The following ZNF528 variants were observed in gnomAD, a reference collection of about 807,000 sequenced individuals.
The protein encoded by ZNF528 is zinc finger protein 528.
ZNF528 carries 9 observed loss-of-function variants against 13.3 expected under a neutral mutation model. The observed-to-expected ratio is 0.67, with a 90% CI of 0.41 to 1.18. The LOEUF (loss-of-function observed/expected upper bound fraction) is 1.18, where lower values mean the gene tolerates loss of function less well. Among genes scored for constraint, ZNF528 ranks in the 50% most tolerant of loss-of-function variants. ZNF528 has a pLI of 0.01. For synonymous variants in ZNF528, 264 were observed against 254.3 expected, an observed-to-expected ratio of 1.04 and a Z score of -0.36; for missense variants, 858 against 745.4, an observed-to-expected ratio of 1.15 and a Z score of -1.76.
intron 6 of ZNF528, chr19:52,411,553 C>A (rs564396655): frequency 6.6e-6 from 1 of 152,268 alleles, no homozygotes; most frequent in East Asian, 1.9e-4. Flanking sequence ...TTCAATTGTT[C>A]TTTTACCAAC....
intron 6 of ZNF528, chr19:52,414,391 CA>C (rs1017441681): frequency 1.0e-5 from 7 of 690,810 alleles, no homozygotes; most frequent in South Asian, 3.0e-5. Context: ...AAGAAGGGGT[CA>C]GGGGGCTCCT....
rs8106133 is a variant in ZNF528, at chr19:52,417,804, A to G, written c.*1065A>G. 0.58 allele frequency: 87,975 copies of G among 151,672 alleles called. 29,876 individuals are homozygous for G. The highest frequency in any genetic ancestry group is 0.78 in the Non-Finnish European group (52,806 of 67,956). 9.4% of individuals were successfully genotyped at this position (151,672 alleles called of 1,614,324 possible). ...GTTCATTTTTGTATTTTTAGTAGAG[A>G]CAGTGTTTACCATGTTGGCCAGGCA... On this transcript the variant is annotated 3_prime_UTR_variant, in exon 7 of 7. Coordinates refer to ENST00000360465, the MANE Select transcript of ZNF528 (RefSeq NM_032423.3).
intron 6 of ZNF528, chr19:52,413,985 G>T: frequency 2.1e-6 from 1 of 485,550 alleles, no homozygotes; most frequent in Non-Finnish European, 3.7e-6. Flanking sequence ...GAATTAACCT[G>T]AGTTCCAGGC....
At position 52,416,967 on chromosome 19, in the gene ZNF528, A is replaced by G; in HGVS notation, c.*228A>G. On this transcript the variant is annotated 3_prime_UTR_variant, in exon 7 of 7. Coordinates refer to ENST00000360465, the MANE Select transcript of ZNF528 (RefSeq NM_032423.3). ...TCAAGGACCATTGCTATAGAACACG[A>G]TAGGATTTACACAAGAAGTAACTCT... The G allele has an allele frequency of 2.0e-6, 1 of 500,592 alleles. No individual in the cohort carries two copies. Among genetic ancestry groups the G allele is most frequent in the Non-Finnish European group, 3.5e-6 (1 of 283,312 alleles). The allele number at this position is 500,592 out of a possible 1,614,324, so 31.0% of individuals were successfully genotyped here.
Position 52,416,002 on chromosome 19 carries a change from A to G in ZNF528, c.1150A>G (p.Lys384Glu). The G allele has an allele frequency of 6.2e-7, 1 of 1,614,086 alleles. No homozygotes were observed. Among genetic ancestry groups the G allele is most frequent in the East Asian group, 2.2e-5 (1 of 44,866 alleles). Residue 384 changes from lysine to glutamate, a missense_variant, in exon 7 of 7, where the codon AAA (lysine) becomes GAA (glutamate). By Grantham distance (56) the Lys-to-Glu change is moderately conservative. Coordinates refer to ENST00000360465, the MANE Select transcript of ZNF528 (RefSeq NM_032423.3). ...IHTGRKPYKC[K>E]ECDKVFGRKC... ...CACTGGAAGGAAACCTTACAAATGT[A>G]AAGAATGTGACAAGGTCTTTGGGCG...
Position 52,417,195 on chromosome 19 carries a change from A to G in ZNF528, c.*456A>G, listed in dbSNP as rs187700015. 455 of 267,810 alleles carry G rather than the reference A, an allele frequency of 1.7e-3. 2 individuals are homozygous for G. The highest frequency in any genetic ancestry group is 9.5e-3 in the African/African-American group (415 of 43,550). 16.6% of individuals were successfully genotyped at this position (267,810 alleles called of 1,614,324 possible). On this transcript the variant is annotated 3_prime_UTR_variant, in exon 7 of 7. Coordinates refer to ENST00000360465, the MANE Select transcript of ZNF528 (RefSeq NM_032423.3). ...CTCTTTGTGACTTCGAAATCTTTTC[A>G]TGTGCCTTCCATACAGGCCATTCAC...
At position 52,398,741 on chromosome 19, in the gene ZNF528, G is replaced by A. The variant is rs889321009; in HGVS notation, c.-137+122G>A. ...TAGAAAGACGAAATTCAACAAGATAGGGAAGGCTTCTCAGACAGAGGGGGG... is the reference window on the plus strand; with the variant it reads ...TAGAAAGACGAAATTCAACAAGATAAGGAAGGCTTCTCAGACAGAGGGGGG... On this transcript the variant is annotated intron_variant, in intron 2 of 6. Coordinates refer to ENST00000360465, the MANE Select transcript of ZNF528 (RefSeq NM_032423.3). 3 of 422,408 alleles carry A rather than the reference G, an allele frequency of 7.1e-6. No homozygotes were observed. In the East Asian group the frequency reaches 4.7e-4, roughly 66 times the overall value. 26.2% of individuals were successfully genotyped at this position (422,408 alleles called of 1,614,324 possible).
At chr19:52,404,174 G>C (rs747899280) in intron 4 of ZNF528, among the ~76,000 whole-genome samples, 17 of 152,160 alleles carry the variant, frequency 1.1e-4, no homozygotes, top group Non-Finnish European at 2.1e-4. Flanking sequence ...GAGTTTCCTA[G>C]AATACATGTG....
intron 6 of ZNF528, chr19:52,414,109 C>G (rs1040330325): frequency 1.3e-5 from 9 of 670,748 alleles, no homozygotes; most frequent in Non-Finnish European, 2.4e-5. Context: ...AGAGCACCGA[C>G]CTCATATCGC....
chr19:52,413,667 G>C (rs1173261880), intron 6 of ZNF528: 1 of 152,900 alleles, frequency 6.5e-6, no homozygotes, highest in African/African-American at 2.4e-5. Context: ...TGCTGCAACT[G>C]GAGGGGGTGG....
Position 52,416,432 on chromosome 19 carries a change from G to T in ZNF528, c.1580G>T (p.Gly527Val). 9 of 1,614,088 alleles carry T rather than the reference G, an allele frequency of 5.6e-6. No individual in the cohort carries two copies. Among genetic ancestry groups the T allele is most frequent in the Non-Finnish European group, 7.6e-6 (9 of 1,180,032 alleles). Residue 527 changes from glycine to valine, a missense_variant, in exon 7 of 7, where the codon GGC becomes GTC. Coordinates refer to ENST00000360465, the MANE Select transcript of ZNF528 (RefSeq NM_032423.3). ...GEKPYKCNQC[G>V]KVFNQASYLT... is the part of the protein sequence containing the mutation. ...AAGCCTTACAAATGTAATCAATGTGGCAAGGTCTTTAATCAAGCATCATAC... is the reference window on the plus strand; with the variant it reads ...AAGCCTTACAAATGTAATCAATGTGTCAAGGTCTTTAATCAAGCATCATAC...
chr19:52,414,416 G>A, intron 6 of ZNF528: 1 of 664,126 alleles, frequency 1.5e-6, no homozygotes, highest in Non-Finnish European at 2.7e-6. Context: ...AGTGAACAAG[G>A]GCCCTGAGCT....
Position 52,415,951 on chromosome 19 carries a change from A to C in ZNF528, c.1099A>C (p.Ser367Arg), listed in dbSNP as rs778127200. The change falls in exon 7 of 7, where the codon AGC becomes CGC. Residue 367 changes from serine to arginine, a missense_variant. Ser to Arg is a moderately radical substitution (Grantham distance 110, BLOSUM62 -1). Coordinates refer to ENST00000360465, the MANE Select transcript of ZNF528 (RefSeq NM_032423.3). ...ECGKAFSVRSSLITHQLIHTG... is the reference protein window; with the variant it reads ...ECGKAFSVRSRLITHQLIHTG... ...TGGCAAAGCATTTTCAGTGCGTTCC[A>C]GCCTCATAACCCATCAGTTAATTCA... The C allele has an allele frequency of 2.5e-6, 4 of 1,613,842 alleles. No individual in the cohort carries two copies. The African/African-American group carries it at 5.3e-5, about 22-fold the overall frequency.
intron 6 of ZNF528, among the ~76,000 whole-genome samples, chr19:52,407,220 C>T (rs2058868839): frequency 6.6e-6 from 1 of 151,402 alleles, no homozygotes; most frequent in Non-Finnish European, 1.5e-5. Context: ...CTTGCTGCAT[C>T]CTCGACTTCC....
intron 4 of ZNF528, among the ~76,000 whole-genome samples, chr19:52,402,791 T>C (rs941797255): frequency 4.6e-5 from 7 of 152,228 alleles, no homozygotes; most frequent in Non-Finnish European, 7.3e-5. Flanking sequence ...CTGTAACATA[T>C]CACCTTTTTA....
chr19:52,401,967 T>C lies in ZNF528; in HGVS notation c.-47T>C. ...TTCAGGATTCACTTCCAAAGAGACA[T>C]ATTATGCAAGGAAGCAACTTGGAAG... On this transcript the variant is annotated 5_prime_UTR_variant, in exon 4 of 7. Coordinates refer to ENST00000360465, the MANE Select transcript of ZNF528 (RefSeq NM_032423.3). The C allele has an allele frequency of 5.0e-6, 8 of 1,614,012 alleles. No individual in the cohort carries two copies. Among genetic ancestry groups the C allele is most frequent in the Non-Finnish European group, 6.8e-6 (8 of 1,179,976 alleles).
At chr19:52,400,166 A>G (rs147960874) in intron 2 of ZNF528, among the ~76,000 whole-genome samples, 1 of 151,726 alleles carries the variant, frequency 6.6e-6, no homozygotes, top group East Asian at 1.9e-4. Context: ...CAGTGTCATC[A>G]GATTTTACTT....
chr19:52,406,850 A>G, intron 6 of ZNF528: 1 of 529,192 alleles, frequency 1.9e-6, no homozygotes, highest in Non-Finnish European at 3.0e-6. Context: ...CCACACTATT[A>G]CATAGCGTTT....
Position 52,401,694 on chromosome 19 carries a change from T to C in ZNF528, c.-127T>C. The stretch of plus-strand genomic sequence containing the variant: ...TTTTTTTTTTTTTTAGGTTCACAAA[T>C]TTTAAGAAAGGGAGAATAAAGTGAA... On this transcript the variant is annotated 5_prime_UTR_variant, in exon 3 of 7. Transcript: ENST00000360465. The C allele has an allele frequency of 1.6e-5, 19 of 1,188,186 alleles. No individual in the cohort carries two copies. Among genetic ancestry groups the C allele is most frequent in the Non-Finnish European group, 2.1e-5 (19 of 903,460 alleles). The allele number at this position is 1,188,186 out of a possible 1,614,324, so 73.6% of individuals were successfully genotyped here. A position where few individuals can be genotyped will look rare whatever the true frequency, so the allele number is the denominator to read the frequency against.
Sources: gnomAD v4.1 joint callset for allele counts (sites outside exome capture counted in the v4.1 genomes callset) on GRCh38, gnomAD v4.1.1 for gene constraint, MANE v1.5 for transcripts, NCBI Gene and HGNC (gene_info 2026-07-23, HGNC 2026-07-21) for gene names.